Variants in JAM3 observed in about 807,000 individuals in gnomAD.
The protein encoded by JAM3 is junctional adhesion molecule C.
JAM3 carries 31 observed loss-of-function variants against 39.4 expected under a neutral mutation model. That is an observed-to-expected ratio of 0.79 (90% CI 0.59 to 1.06). The LOEUF is 1.06. Ranked by LOEUF, JAM3 falls within the 50% of genes least tolerant of loss-of-function variation. JAM3 has a pLI of 0.00. For missense variants in JAM3, 455 were observed against 391.4 expected (o/e 1.16, Z -1.37); for synonymous variants, 182 against 148.7 (o/e 1.22, Z -1.63).
At chr11:134,090,973 T>G (rs1355169787) in intron 1 of JAM3, among the ~76,000 whole-genome samples, 1 of 152,216 alleles carries the variant, frequency 6.6e-6, no homozygotes, top group African/African-American at 2.4e-5. Context: ...GTTTTTCTAT[T>G]CCTCCTGTTA....
rs946031803 is a variant in JAM3 at position 134,107,345 on chromosome 11, G to A, written c.77-32506G>A. 2.6e-5 allele frequency among the ~76,000 whole-genome samples: 4 copies of A among 152,170 alleles called. No homozygotes were observed. In the East Asian group the frequency reaches 7.7e-4, roughly 29 times the overall value. On this transcript the variant is annotated intron_variant, in intron 1 of 8. Transcript: ENST00000299106. ...CAGGACCTGTTGTGGGGTTGGGAGA[G>A]GGGGGAGGGATAGCATTAGGAGATA...
intron 1 of JAM3, among the ~76,000 whole-genome samples, chr11:134,078,895 C>A (rs1250466564): frequency 6.6e-6 from 1 of 152,066 alleles, no homozygotes; most frequent in Non-Finnish European, 1.5e-5. Context: ...AAAAATTAGC[C>A]TGGTATGGTG....
chr11:134,135,952 C>T (rs1942857266), intron 1 of JAM3, among the ~76,000 whole-genome samples: 1 of 151,944 alleles, frequency 6.6e-6, no homozygotes, highest in African/African-American at 2.4e-5. Flanking sequence ...CACCTGTAAT[C>T]CCAGCTACTT....
intron 1 of JAM3, among the ~76,000 whole-genome samples, chr11:134,118,235 C>T (rs1942473153): frequency 6.6e-6 from 1 of 152,164 alleles, no homozygotes; most frequent in African/African-American, 2.4e-5. Context: ...TGGCAACAGG[C>T]AGGAGGATTT....
chr11:134,079,094 C>T (rs1299904034), intron 1 of JAM3, among the ~76,000 whole-genome samples: 1 of 151,944 alleles, frequency 6.6e-6, no homozygotes, highest in Non-Finnish European at 1.5e-5. Context: ...ATCGCATACA[C>T]CCCCAGGAAG....
At position 134,149,824 on chromosome 11, in the gene JAM3, A is replaced by G. The variant is rs1943161157; in HGVS notation, c.*643A>G. The G allele has an allele frequency of 2.8e-6, 1 of 357,850 alleles. No individual in the cohort carries two copies. The highest frequency in any genetic ancestry group is 5.6e-6 in the Non-Finnish European group (1 of 179,472). 22.2% of individuals were successfully genotyped at this position (357,850 alleles called of 1,614,324 possible). ...CTTGCCTGAGGAACCCTGCTTGTCC[A>G]ACAGGGTGTCAGGATTTAAGGAAAA... is the stretch of plus-strand genomic sequence containing the variant. On this transcript the variant is annotated 3_prime_UTR_variant, in exon 9 of 9. Transcript: ENST00000299106.
At chr11:134,149,091 T>C in intron 8 of JAM3, 55 bp from the exon 9 acceptor site, 4 of 1,608,984 alleles carry the variant, frequency 2.5e-6, no homozygotes, top group Non-Finnish European at 3.4e-6. Flanking sequence ...CTCCGTGTTT[T>C]TCCCTGCTTG....
chr11:134,108,888 C>A (rs1197913935), intron 1 of JAM3, among the ~76,000 whole-genome samples: 4 of 152,128 alleles, frequency 2.6e-5, no homozygotes, highest in Non-Finnish European at 5.9e-5. Context: ...ATCTGATAAA[C>A]AATATCCATG....
At chr11:134,115,710 TGGGTA>T (rs1942415764) in intron 1 of JAM3, among the ~76,000 whole-genome samples, 1 of 151,974 alleles carries the variant, frequency 6.6e-6, no homozygotes, top group Middle Eastern at 3.4e-3. Context: ...GAGACCAGCC[TGGGTA>T]ACATGTGAGA....
At chr11:134,073,893 AT>A (rs1205530358) in intron 1 of JAM3, among the ~76,000 whole-genome samples, 1 of 152,244 alleles carries the variant, frequency 6.6e-6, no homozygotes, top group Non-Finnish European at 1.5e-5. Flanking sequence ...TTTTAAAAAA[AT>A]GTCTTATTTC....
intron 1 of JAM3, among the ~76,000 whole-genome samples, chr11:134,125,010 C>T (rs571701478): frequency 1.3e-4 from 20 of 152,356 alleles, no homozygotes; most frequent in African/African-American, 3.6e-4. Context: ...AGCCTCAGCG[C>T]GCGACACCCG....
chr11:134,073,834 C>T (rs1159558346), intron 1 of JAM3, among the ~76,000 whole-genome samples: 1 of 152,176 alleles, frequency 6.6e-6, no homozygotes, highest in Non-Finnish European at 1.5e-5. Context: ...CACTTTGTCA[C>T]TTGAAAGTGA....
At chr11:134,124,199 A>T (rs1397303401) in intron 1 of JAM3, 18 of 1,433,008 alleles carry the variant, frequency 1.3e-5, no homozygotes, top group Non-Finnish European at 1.7e-5. Flanking sequence ...CACAAACTCG[A>T]ACCAAAGTCA....
intron 1 of JAM3, among the ~76,000 whole-genome samples, chr11:134,110,857 T>C (rs978491639): frequency 1.1e-4 from 16 of 152,140 alleles, no homozygotes; most frequent in African/African-American, 3.1e-4. Context: ...AATTATACCT[T>C]GATTGTTTTT....
At chr11:134,129,861 G>T (rs1264541852) in intron 1 of JAM3, among the ~76,000 whole-genome samples, 19 of 152,094 alleles carry the variant, frequency 1.2e-4, no homozygotes, top group Admixed American at 1.2e-3. Flanking sequence ...AATTAGCCGG[G>T]CGTGGTGGCA....
chr11:134,136,197 G>T (rs547211344), intron 1 of JAM3, among the ~76,000 whole-genome samples: 1 of 152,092 alleles, frequency 6.6e-6, no homozygotes, highest in African/African-American at 2.4e-5. Flanking sequence ...TCCTTTTTCC[G>T]CCTTCCAAAA....
chr11:134,114,542 T>C (rs1181705758), intron 1 of JAM3, among the ~76,000 whole-genome samples: 1 of 152,246 alleles, frequency 6.6e-6, no homozygotes, highest in Non-Finnish European at 1.5e-5. Context: ...CATTGGTCTC[T>C]ATCTCTCTTT....
At chr11:134,138,232 G>T in intron 1 of JAM3, among the ~76,000 whole-genome samples, 1 of 123,762 alleles carries the variant, frequency 8.1e-6, no homozygotes, top group Non-Finnish European at 1.6e-5. Context: ...TAGTCCCTTA[G>T]AGCCAGTGGT....
At position 134,148,784 on chromosome 11, in the gene JAM3, C is replaced by T. The variant is rs750578435; in HGVS notation, c.863C>T (p.Pro288Leu). The part of the protein sequence containing the change: ...DGESYKNPGK[P>L]DGVNYIRTDE... ...CATAGTTACAAGAACCCAGGGAAACCAGATGGAGTTAACTACATCCGCACT... is the reference window on the plus strand; with the variant it reads ...CATAGTTACAAGAACCCAGGGAAACTAGATGGAGTTAACTACATCCGCACT... The change falls in exon 8 of 9, where the codon CCA becomes CTA. Residue 288 changes from proline (P) to leucine (L), a missense_variant. Pro to Leu is a moderately conservative substitution (Grantham distance 98, BLOSUM62 -3). Transcript: ENST00000299106. The T allele has an allele frequency of 1.2e-6, 2 of 1,614,040 alleles. No homozygotes were observed. Among genetic ancestry groups the T allele is most frequent in the African/African-American group, 1.3e-5 (1 of 74,906 alleles).
Sources: gnomAD v4.1 joint callset for allele counts (sites outside exome capture counted in the v4.1 genomes callset) on GRCh38, gnomAD v4.1.1 for gene constraint, MANE v1.5 for transcripts, NCBI Gene and HGNC (gene_info 2026-07-23, HGNC 2026-07-21) for gene names.